Variants in MTA3 observed in about 807,000 individuals in gnomAD.
The protein encoded by MTA3 is metastasis associated 1 family member 3, also known as metastasis-associated protein MTA3.
MTA3 carries 34 observed loss-of-function variants against 83.5 expected under a neutral mutation model. That is an observed-to-expected ratio of 0.41 (90% CI 0.31 to 0.54). The LOEUF is 0.54. Ranked by LOEUF, MTA3 falls within the 20% of genes least tolerant of loss-of-function variation. MTA3 has a pLI of 0.33. For missense variants in MTA3, 761 were observed against 726.4 expected (o/e 1.05, Z -0.55); for synonymous variants, 303 against 252.7 (o/e 1.20, Z -1.89).
chr2:42,628,178 G>A (rs943467960), intron 4 of MTA3, among the ~76,000 whole-genome samples: 1 of 151,286 alleles, frequency 6.6e-6, no homozygotes, highest in Non-Finnish European at 1.5e-5. Context: ...CACCGTGCCC[G>A]GCGGTTCTTT....
chr2:42,750,077 C>T (rs540860457), intron 16 of MTA3, among the ~76,000 whole-genome samples: 34 of 152,136 alleles, frequency 2.2e-4, no homozygotes, highest in South Asian at 4.1e-4. Flanking sequence ...CTGCAACCTC[C>T]GCCTCCTGGG....
intron 2 of MTA3, among the ~76,000 whole-genome samples, chr2:42,515,044 T>C (rs1404774053): frequency 6.6e-6 from 1 of 151,714 alleles, no homozygotes; most frequent in Non-Finnish European, 1.5e-5. Flanking sequence ...TTTATTTTAT[T>C]TTATTTTATC....
chr2:42,652,631 C>G (rs537044677), intron 6 of MTA3, among the ~76,000 whole-genome samples: 3 of 152,240 alleles, frequency 2.0e-5, no homozygotes, highest in Non-Finnish European at 4.4e-5. Context: ...CAGATGTGAG[C>G]CACTGCACCC....
chr2:42,675,243 C>T lies in MTA3; in HGVS notation c.703-7158C>T, dbSNP rs556271210. ...AGCCGCCTCCTGAGTTCAAGCGATT[C>T]TCCTACCTTAGCCTCCTGAGCAGCT... is the stretch of plus-strand genomic sequence containing the variant. On this transcript the variant is annotated intron_variant, in intron 8 of 16. Coordinates refer to ENST00000405094, the MANE Select transcript of MTA3 (RefSeq NM_001330442.2). Among the ~76,000 whole-genome samples the T allele has an allele frequency of 7.9e-5, 12 of 152,186 alleles. No individual in the cohort carries two copies. In the East Asian group the frequency reaches 2.3e-3, roughly 29 times the overall value.
At position 42,695,862 on chromosome 2, in the gene MTA3, C is replaced by T. The variant is rs1319728222; in HGVS notation, c.966+23C>T. 2.1e-6 allele frequency: 3 copies of T among 1,439,200 alleles called. No homozygotes were observed. In the East Asian group the frequency reaches 7.1e-5, roughly 34 times the overall value. The allele number at this position is 1,439,200 out of a possible 1,614,324, so 89.2% of individuals were successfully genotyped here. On this transcript the variant is annotated intron_variant, in intron 10 of 16. Transcript: ENST00000405094. ...CAGGTAATTTTTTTCATATTGCTAC[C>T]AATATGGTTGCATTTAAGTGAACTT...
At chr2:42,606,194 G>A (rs1683361197) in intron 3 of MTA3, among the ~76,000 whole-genome samples, 1 of 53,668 alleles carries the variant, frequency 1.9e-5, no homozygotes, top group Non-Finnish European at 3.2e-5. Context: ...CCGGGCGGGG[G>A]GCTGACCCCC....
intron 16 of MTA3, chr2:42,752,340 G>A (rs1243330234): frequency 2.1e-6 from 1 of 467,908 alleles, no homozygotes; most frequent in East Asian, 7.0e-5. Context: ...CTGGCAGCAG[G>A]GTGATGTGCC....
At chr2:42,732,185 C>G (rs938044198) in intron 16 of MTA3, among the ~76,000 whole-genome samples, 3 of 152,236 alleles carry the variant, frequency 2.0e-5, no homozygotes, top group African/African-American at 7.2e-5. Context: ...CACTTCCACA[C>G]TTCCCTAGCA....
chr2:42,613,097 G>A (rs1684424864), intron 4 of MTA3, among the ~76,000 whole-genome samples: 1 of 152,198 alleles, frequency 6.6e-6, no homozygotes, highest in Admixed American at 6.5e-5. Context: ...TAAGGACTGA[G>A]AGAGTATATT....
At chr2:42,643,012 T>A (rs1573443032) in intron 5 of MTA3, among the ~76,000 whole-genome samples, 1 of 148,900 alleles carries the variant, frequency 6.7e-6, no homozygotes, top group African/African-American at 2.5e-5. Context: ...ACAGTATGCA[T>A]AAACTGTCAC....
chr2:42,646,738 A>T (rs1167923812), intron 6 of MTA3, among the ~76,000 whole-genome samples: 1 of 152,194 alleles, frequency 6.6e-6, no homozygotes, highest in African/African-American at 2.4e-5. Flanking sequence ...GTTTCTTGAG[A>T]TGGAATCTAC....
At chr2:42,603,858 C>T (rs1300956527) in intron 3 of MTA3, among the ~76,000 whole-genome samples, 1 of 152,100 alleles carries the variant, frequency 6.6e-6, no homozygotes, top group African/African-American at 2.4e-5. Context: ...TCACGCCATT[C>T]TCCTGCCTCA....
At chr2:42,560,698 A>G (rs966669950) in intron 2 of MTA3, among the ~76,000 whole-genome samples, 11 of 151,966 alleles carry the variant, frequency 7.2e-5, no homozygotes, top group African/African-American at 2.4e-4. Flanking sequence ...TGAGGTCAGG[A>G]GTTTGATACC....
At chr2:42,644,296 T>G in intron 6 of MTA3, 52 bp downstream of exon 6, 1 of 1,202,234 alleles carries the variant, frequency 8.3e-7, no homozygotes. Context: ...ATCTTGAAAC[T>G]CAAATATACA....
At chr2:42,588,704 A>G (rs981650544) in intron 3 of MTA3, among the ~76,000 whole-genome samples, 1 of 152,154 alleles carries the variant, frequency 6.6e-6, no homozygotes, top group African/African-American at 2.4e-5. Context: ...CTATAGGTGT[A>G]TCAATTAGTG....
At chr2:42,559,806 G>A (rs527441479) in intron 2 of MTA3, among the ~76,000 whole-genome samples, 3 of 141,336 alleles carry the variant, frequency 2.1e-5, no homozygotes, top group South Asian at 2.4e-4. Flanking sequence ...AACCCGGGGC[G>A]GGGGGCGGGC....
chr2:42,629,330 C>T (rs541769560), intron 4 of MTA3, among the ~76,000 whole-genome samples: 4 of 152,234 alleles, frequency 2.6e-5, no homozygotes, highest in African/African-American at 7.2e-5. Flanking sequence ...TCACCTGCCT[C>T]GGCCTCCCAA....
chr2:42,553,735 CAA>C (rs1301653077), intron 2 of MTA3, among the ~76,000 whole-genome samples: 2 of 135,386 alleles, frequency 1.5e-5, no homozygotes. Flanking sequence ...AACTCCATCT[CAA>C]AAAAAAAAAA....
intron 9 of MTA3, among the ~76,000 whole-genome samples, chr2:42,691,494 AT>A (rs1002982452): frequency 7.9e-5 from 12 of 151,486 alleles, no homozygotes; most frequent in South Asian, 4.2e-4. Context: ...AGTTGTAGTT[AT>A]TTTTTTTTAT....
Sources: allele counts gnomAD v4.1 joint callset (sites outside exome capture counted in the v4.1 genomes callset), GRCh38; gene constraint gnomAD v4.1.1; transcripts MANE v1.5; gene names NCBI Gene and HGNC (gene_info 2026-07-23, HGNC 2026-07-21).